TUSC3: variants seen among roughly 807,000 people sequenced by gnomAD.
The protein encoded by TUSC3 is dolichyl-diphosphooligosaccharide--protein glycosyltransferase subunit TUSC3.
Under a neutral mutation model 44.8 loss-of-function variants are expected in TUSC3, and 45 were observed. The observed-to-expected ratio is 1.00, with a 90% CI of 0.79 to 1.29. The LOEUF is 1.29. TUSC3 is among the 50% of genes most tolerant of loss of function. TUSC3 has a pLI of 0.00. For missense variants in TUSC3, 519 were observed against 437.9 expected (o/e 1.19, Z -1.65); for synonymous variants, 212 against 152.9 (o/e 1.39, Z -2.85).
At chr8:15,787,662 T>A in the TUSC3 span, among the ~76,000 whole-genome samples, 1 of 152,214 alleles carries the variant, frequency 6.6e-6, no homozygotes, top group African/African-American at 2.4e-5. Context: ...ACATAGGAGC[T>A]ATTTCCTAGA....
intron 1 of TUSC3, among the ~76,000 whole-genome samples, chr8:15,445,993 G>A (rs927407204): frequency 6.6e-6 from 1 of 151,166 alleles, no homozygotes; most frequent in Non-Finnish European, 1.5e-5. Flanking sequence ...CGGCGGAGAC[G>A]CTCCTCACTT....
chr8:15,807,173 C>T, the TUSC3 span: 4 of 801,338 alleles, frequency 5.0e-6, no homozygotes, highest in Non-Finnish European at 8.8e-6. Context: ...TATGTGCATC[C>T]TCCATTTCAA....
At chr8:15,851,851 G>A in the TUSC3 span, among the ~76,000 whole-genome samples, 1 of 152,112 alleles carries the variant, frequency 6.6e-6, no homozygotes, top group Non-Finnish European at 1.5e-5. Flanking sequence ...CGTGTTGTAG[G>A]AGGGACCCAG....
downstream of TUSC3, among the ~76,000 whole-genome samples, chr8:15,769,893 C>T (rs927434420): frequency 2.6e-5 from 4 of 152,204 alleles, no homozygotes; most frequent in African/African-American, 7.2e-5. Flanking sequence ...GTTAGAATGG[C>T]GATCATTGAA....
chr8:15,540,095 G>C (rs755525329), upstream of TUSC3: 1 of 286,114 alleles, frequency 3.5e-6, no homozygotes, highest in African/African-American at 2.2e-5. Context: ...TCAGATTGAG[G>C]TCCCAGGGCC....
chr8:15,455,362 C>G (rs1163367405), intron 1 of TUSC3, among the ~76,000 whole-genome samples: 4 of 151,900 alleles, frequency 2.6e-5, no homozygotes, highest in African/African-American at 9.7e-5. Context: ...TTCTGGTGCT[C>G]CATCATGTAT....
At chr8:15,633,309 T>C (rs1158728717) in intron 2 of TUSC3, among the ~76,000 whole-genome samples, 2 of 152,134 alleles carry the variant, frequency 1.3e-5, no homozygotes, top group African/African-American at 4.8e-5. Context: ...AGCAACTCAG[T>C]GAGTTGAAGC....
chr8:15,467,747 G>A (rs538387311), intron 1 of TUSC3, among the ~76,000 whole-genome samples: 10 of 152,232 alleles, frequency 6.6e-5, no homozygotes, highest in African/African-American at 2.4e-4. Flanking sequence ...TATGTAATCA[G>A]TCATCTTGAA....
At position 15,765,640 on chromosome 8, in the gene TUSC3, T is replaced by C. The variant is rs1812306182; in HGVS notation, c.*1484T>C. 1.3e-5 allele frequency: 2 copies of C among 152,032 alleles called. No individual in the cohort carries two copies. The highest frequency in any genetic ancestry group is 2.4e-5 in the African/African-American group (1 of 41,430). The allele number at this position is 152,032 out of a possible 1,614,324, so 9.4% of individuals were successfully genotyped here. On this transcript the variant is annotated 3_prime_UTR_variant, in exon 11 of 11. Transcript: ENST00000503731. The stretch of plus-strand genomic sequence containing the variant: ...ATATTCAGTGAAAATTACGTAATAA[T>C]TGTAAGTTTATAATCATACTCCCAA...
At chr8:15,784,389 A>G in the TUSC3 span, among the ~76,000 whole-genome samples, 1 of 152,204 alleles carries the variant, frequency 6.6e-6, no homozygotes, top group African/African-American at 2.4e-5. Flanking sequence ...GAAACTGTGT[A>G]TTAAATGACT....
the TUSC3 span, among the ~76,000 whole-genome samples, chr8:15,791,063 T>A: frequency 1.3e-5 from 2 of 152,012 alleles, no homozygotes. Flanking sequence ...AAACCCAGGG[T>A]AATGGAAATG....
At chr8:15,522,691 A>G (rs1316319997) in intron 2 of TUSC3, among the ~76,000 whole-genome samples, 1 of 152,002 alleles carries the variant, frequency 6.6e-6, no homozygotes, top group Admixed American at 6.5e-5. Flanking sequence ...CCAATCCAGG[A>G]GACAGGATAG....
At chr8:15,490,228 G>C (rs1800789016) in intron 2 of TUSC3, among the ~76,000 whole-genome samples, 1 of 152,138 alleles carries the variant, frequency 6.6e-6, no homozygotes, top group Non-Finnish European at 1.5e-5. Flanking sequence ...ACCATCTCTA[G>C]ACAGGAGAAA....
At chr8:15,429,649 A>C (rs189352493) in intron 1 of TUSC3, among the ~76,000 whole-genome samples, 3,723 of 151,288 alleles carry the variant, frequency 0.025, 208 homozygotes, top group East Asian at 0.082. Flanking sequence ...CTTTTATTTC[A>C]TTGAGCAGTG....
At chr8:15,693,485 T>G (rs1809013548) in intron 6 of TUSC3, among the ~76,000 whole-genome samples, 1 of 144,452 alleles carries the variant, frequency 6.9e-6, no homozygotes, top group South Asian at 2.2e-4. Flanking sequence ...TGAATATAGG[T>G]TGAATCTCTC....
chr8:15,625,541 A>C (rs572927341), intron 2 of TUSC3, among the ~76,000 whole-genome samples: 1 of 152,190 alleles, frequency 6.6e-6, no homozygotes, highest in Admixed American at 6.5e-5. Context: ...CAGTTTGTTT[A>C]TATCTTCTTG....
intron 2 of TUSC3, among the ~76,000 whole-genome samples, chr8:15,528,784 C>G (rs375055402): frequency 4.8e-4 from 73 of 152,306 alleles, no homozygotes; most frequent in African/African-American, 1.7e-3. Context: ...TTGTCCATAT[C>G]CCTACCTTCC....
intron 6 of TUSC3, among the ~76,000 whole-genome samples, chr8:15,728,664 T>C (rs1221797417): frequency 6.6e-6 from 1 of 152,146 alleles, no homozygotes; most frequent in Non-Finnish European, 1.5e-5. Context: ...TTAGCTGTTA[T>C]CAGACTTCCA....
intron 1 of TUSC3, among the ~76,000 whole-genome samples, chr8:15,578,698 G>T (rs1346677143): frequency 6.6e-6 from 1 of 152,044 alleles, no homozygotes; most frequent in Admixed American, 6.6e-5. Context: ...TTTTTGAAGT[G>T]CTGCTGGATT....
Sources: gnomAD v4.1 joint callset for allele counts (sites outside exome capture counted in the v4.1 genomes callset) on GRCh38, gnomAD v4.1.1 for gene constraint, MANE v1.5 for transcripts, NCBI Gene and HGNC (gene_info 2026-07-23, HGNC 2026-07-21) for gene names.